The following KCNIP4 variants were observed in gnomAD, a reference collection of about 807,000 sequenced individuals.
The protein encoded by KCNIP4 is potassium voltage-gated channel interacting protein 4.
In KCNIP4, 12 loss-of-function variants were observed where a neutral mutation model predicts 34.0. That is an observed-to-expected ratio of 0.35 (90% CI 0.23 to 0.57). The LOEUF (loss-of-function observed/expected upper bound fraction) is 0.57, where lower values mean the gene tolerates loss of function less well. KCNIP4 is among the 20% of genes least tolerant of loss of function. The pLI, the probability that KCNIP4 is intolerant of heterozygous loss-of-function variation, is 0.83. For synonymous variants in KCNIP4, 124 were observed against 102.2 expected (o/e 1.21, Z -1.29); for missense variants, 238 against 311.7 (o/e 0.76, Z 1.78).
At chr4:20,912,629 A>G (rs1279124003) in intron 1 of KCNIP4, among the ~76,000 whole-genome samples, 2 of 152,192 alleles carry the variant, frequency 1.3e-5, no homozygotes, top group Non-Finnish European at 2.9e-5. Flanking sequence ...TTTGCAAATC[A>G]TATGTCTGGT....
chr4:21,021,725 G>A (rs1740057199), intron 1 of KCNIP4, among the ~76,000 whole-genome samples: 1 of 152,036 alleles, frequency 6.6e-6, no homozygotes, highest in African/African-American at 2.4e-5. Context: ...TGGAGCTGTC[G>A]TATTCTATGA....
intron 1 of KCNIP4, among the ~76,000 whole-genome samples, chr4:21,936,938 C>T (rs936645304): frequency 2.6e-5 from 4 of 152,000 alleles, no homozygotes; most frequent in African/African-American, 9.7e-5. Context: ...TATCTCCCAC[C>T]CTTATTCTTT....
intron 1 of KCNIP4, among the ~76,000 whole-genome samples, chr4:21,167,603 T>A (rs1753723309): frequency 6.6e-6 from 1 of 152,206 alleles, no homozygotes; most frequent in Non-Finnish European, 1.5e-5. Flanking sequence ...GCTGATAACA[T>A]CTTCAACATT....
At chr4:21,501,224 T>TCA in intron 1 of KCNIP4, among the ~76,000 whole-genome samples, 1 of 121,524 alleles carries the variant, frequency 8.2e-6, no homozygotes, top group African/African-American at 3.1e-5. Flanking sequence ...CAACTGCCTT[T>TCA]CTCTCTCTCT....
chr4:20,783,405 T>C (rs1349136233), intron 3 of KCNIP4, among the ~76,000 whole-genome samples: 1 of 152,184 alleles, frequency 6.6e-6, no homozygotes, highest in Non-Finnish European at 1.5e-5. Context: ...AGAGGTTTAG[T>C]TGGACTTAAC....
At chr4:21,360,046 C>A (rs1719053977) in intron 1 of KCNIP4, among the ~76,000 whole-genome samples, 1 of 152,072 alleles carries the variant, frequency 6.6e-6, no homozygotes, top group African/African-American at 2.4e-5. Context: ...TTCATAAATT[C>A]ATTCAAAAAT....
At chr4:21,034,676 C>T (rs564244383) in intron 1 of KCNIP4, among the ~76,000 whole-genome samples, 5 of 152,230 alleles carry the variant, frequency 3.3e-5, no homozygotes, top group African/African-American at 1.2e-4. Flanking sequence ...ATTTTCAAGG[C>T]TTAGTGTGAG....
intron 1 of KCNIP4, among the ~76,000 whole-genome samples, chr4:21,798,870 A>C (rs1560722919): frequency 1.3e-5 from 2 of 152,100 alleles, no homozygotes; most frequent in African/African-American, 4.8e-5. Flanking sequence ...AAAACTACTA[A>C]TATATTTGGC....
intron 1 of KCNIP4, among the ~76,000 whole-genome samples, chr4:21,051,404 ATTTCT>A (rs34672010): frequency 0.13 from 19,848 of 152,032 alleles, 1,546 homozygotes; most frequent in African/African-American, 0.22. Flanking sequence ...TTGACAGATG[ATTTCT>A]TTGTTTGTTT....
intron 1 of KCNIP4, chr4:21,544,683 T>C (rs956563204): frequency 2.0e-5 from 3 of 152,210 alleles, no homozygotes; most frequent in Admixed American, 2.0e-4. Flanking sequence ...TCAAGTCCTT[T>C]GCAAAACCCT....
chr4:21,740,405 T>C (rs1304876612), intron 1 of KCNIP4, among the ~76,000 whole-genome samples: 1 of 151,972 alleles, frequency 6.6e-6, no homozygotes, highest in Non-Finnish European at 1.5e-5. Flanking sequence ...TTCCCTGTCA[T>C]CCTCCCTCCA....
intron 1 of KCNIP4, among the ~76,000 whole-genome samples, chr4:21,541,707 A>C (rs900163170): frequency 3.9e-5 from 6 of 151,980 alleles, no homozygotes; most frequent in African/African-American, 1.2e-4. Flanking sequence ...CAGTGGCATA[A>C]TCACCCTCAC....
At chr4:21,715,379 C>G (rs1477120824) in intron 1 of KCNIP4, among the ~76,000 whole-genome samples, 1 of 152,082 alleles carries the variant, frequency 6.6e-6, no homozygotes, top group Non-Finnish European at 1.5e-5. Flanking sequence ...ATCCGCCCAC[C>G]TTGGCCTCCC....
chr4:21,297,269 T>G, intron 1 of KCNIP4, among the ~76,000 whole-genome samples: 1 of 152,066 alleles, frequency 6.6e-6, no homozygotes, highest in East Asian at 1.9e-4. Context: ...GTATCTGAAC[T>G]GGCTACCAGA....
chr4:21,940,948 C>T (rs187309547), intron 1 of KCNIP4, among the ~76,000 whole-genome samples: 1 of 152,016 alleles, frequency 6.6e-6, no homozygotes. Flanking sequence ...GTATCTTTGC[C>T]TTTAGATGTA....
intron 1 of KCNIP4, among the ~76,000 whole-genome samples, chr4:20,925,060 G>T (rs532878573): frequency 5.6e-4 from 86 of 152,214 alleles, no homozygotes; most frequent in African/African-American, 1.8e-3. Context: ...ATGTGAAAAT[G>T]GTCTGAATCA....
intron 1 of KCNIP4, among the ~76,000 whole-genome samples, chr4:21,543,778 G>C (rs1163203653): frequency 6.6e-6 from 1 of 152,076 alleles, no homozygotes; most frequent in African/African-American, 2.4e-5. Context: ...TGACTAAAGG[G>C]TGCCAGGGAA....
At chr4:21,790,396 G>C (rs536223406) in intron 1 of KCNIP4, among the ~76,000 whole-genome samples, 1 of 152,076 alleles carries the variant, frequency 6.6e-6, no homozygotes, top group East Asian at 1.9e-4. Context: ...CTTGTGTTTA[G>C]AGTATGTTAC....
intron 1 of KCNIP4, among the ~76,000 whole-genome samples, chr4:21,685,010 T>C (rs1163232463): frequency 6.6e-6 from 1 of 152,222 alleles, no homozygotes; most frequent in Admixed American, 6.5e-5. Context: ...ACAAGTCATC[T>C]GACATTTTTG....
Sources: allele counts gnomAD v4.1 joint callset (sites outside exome capture counted in the v4.1 genomes callset), GRCh38; gene constraint gnomAD v4.1.1; transcripts MANE v1.5; gene names NCBI Gene and HGNC (gene_info 2026-07-23, HGNC 2026-07-21).